The following MACO1 variants were observed in gnomAD, a reference collection of about 807,000 sequenced individuals.
MACO1 encodes macoilin.
Under a neutral mutation model 78.7 loss-of-function variants are expected in MACO1, and 14 were observed. The observed-to-expected ratio is 0.18, with a 90% confidence interval of 0.12 to 0.28. The LOEUF (loss-of-function observed/expected upper bound fraction) is 0.28. Ranked by LOEUF, MACO1 falls within the 10% of genes least tolerant of loss-of-function variation. The probability of loss-of-function intolerance (pLI) is 1.00; values close to 1 mark genes in which losing one functional copy is unlikely to be tolerated. For synonymous variants in MACO1, 288 were observed against 291.6 expected (o/e 0.99, Z 0.12); for missense variants, 501 against 799.0 (o/e 0.63, Z 4.50).
chr1:25,470,600 G>T (rs1001909229), intron 6 of MACO1, among the ~76,000 whole-genome samples: 4 of 152,164 alleles, frequency 2.6e-5, no homozygotes, highest in Admixed American at 2.0e-4. Context: ...AGTTAAGTGG[G>T]AAAGATAACA....
intron 6 of MACO1, among the ~76,000 whole-genome samples, chr1:25,474,505 G>T (rs1243984767): frequency 1.3e-5 from 2 of 152,084 alleles, no homozygotes; most frequent in Non-Finnish European, 2.9e-5. Context: ...TCAGTCTTCT[G>T]TGCTCCTAGA....
intron 1 of MACO1, among the ~76,000 whole-genome samples, chr1:25,438,015 G>GA (rs1041110949): frequency 6.6e-4 from 99 of 149,434 alleles, no homozygotes; most frequent in Admixed American, 6.0e-4. Flanking sequence ...CAATTTAAAG[G>GA]AAAAAAAAAA....
At position 25,433,523 on chromosome 1, in the gene MACO1, GT is replaced by G. The variant is rs2042893914; in HGVS notation, c.80+2346del. ...AGAGCCTTGTTTTTTTTCTGGGGCC[GT>G]GTTGACAGTTTTGATAACCACTGTC... On this transcript the variant is annotated intron_variant, in intron 1 of 10. Coordinates refer to ENST00000374343, the MANE Select transcript of MACO1 (RefSeq NM_018202.6). 3.3e-5 allele frequency among the ~76,000 whole-genome samples: 5 copies of G among 152,030 alleles called. No individual in the cohort carries two copies. The South Asian group carries it at 8.3e-4, about 25-fold the overall frequency.
At chr1:25,452,229 A>G (rs1434500738) in intron 3 of MACO1, among the ~76,000 whole-genome samples, 2 of 152,180 alleles carry the variant, frequency 1.3e-5, no homozygotes, top group African/African-American at 2.4e-5. Context: ...GTTTCATCCC[A>G]AAGATCCTTA....
intron 6 of MACO1, among the ~76,000 whole-genome samples, chr1:25,474,523 C>T (rs1356049838): frequency 6.6e-6 from 1 of 152,104 alleles, no homozygotes; most frequent in Non-Finnish European, 1.5e-5. Flanking sequence ...AGAAAATAGG[C>T]CATGTTGATG....
At chr1:25,460,213 A>G (rs1252876759) in intron 6 of MACO1, among the ~76,000 whole-genome samples, 2 of 152,198 alleles carry the variant, frequency 1.3e-5, no homozygotes, top group Admixed American at 6.5e-5. Flanking sequence ...GCTGGCATCC[A>G]TATCCATTTG....
chr1:25,457,881 C>T (rs2043134901), intron 5 of MACO1, among the ~76,000 whole-genome samples: 1 of 152,166 alleles, frequency 6.6e-6, no homozygotes, highest in Admixed American at 6.5e-5. Flanking sequence ...TTCCTTATTA[C>T]CTCAACACTA....
chr1:25,437,719 A>G (rs572612786), intron 1 of MACO1, among the ~76,000 whole-genome samples: 50 of 152,268 alleles, frequency 3.3e-4, no homozygotes, highest in Middle Eastern at 6.8e-3. Flanking sequence ...CAGGAGTTCA[A>G]GACTAGCCTA....
chr1:25,439,468 A>ACG (rs964020314), intron 1 of MACO1, among the ~76,000 whole-genome samples: 3 of 151,818 alleles, frequency 2.0e-5, no homozygotes, highest in African/African-American at 4.9e-5. Context: ...CTGCACATGT[A>ACG]CGCGCGCGTG....
chr1:25,469,785 C>T (rs1251565862), intron 6 of MACO1, among the ~76,000 whole-genome samples: 5 of 151,866 alleles, frequency 3.3e-5, no homozygotes, highest in Admixed American at 2.0e-4. Context: ...TACAGGCGTG[C>T]GCCACCATGC....
intron 4 of MACO1, among the ~76,000 whole-genome samples, chr1:25,455,868 C>T (rs2043114836): frequency 6.6e-6 from 1 of 152,054 alleles, no homozygotes; most frequent in South Asian, 2.1e-4. Flanking sequence ...TTGACCCTGC[C>T]TTCTAGTATT....
intron 6 of MACO1, among the ~76,000 whole-genome samples, chr1:25,465,263 A>AT (rs1296933416): frequency 6.6e-6 from 1 of 152,236 alleles, no homozygotes; most frequent in African/African-American, 2.4e-5. Flanking sequence ...AAAGCTATAA[A>AT]CATCTATGTG....
intron 8 of MACO1, among the ~76,000 whole-genome samples, chr1:25,488,502 TC>T (rs1400648464): frequency 2.0e-5 from 3 of 152,108 alleles, no homozygotes; most frequent in African/African-American, 7.2e-5. Flanking sequence ...CTTTTTTTTT[TC>T]TTTTTTTTGA....
At chr1:25,457,428 A>G (rs2043131442) in intron 5 of MACO1, among the ~76,000 whole-genome samples, 1 of 152,124 alleles carries the variant, frequency 6.6e-6, no homozygotes, top group African/African-American at 2.4e-5. Context: ...ACGTATTTTA[A>G]AATATATATT....
chr1:25,490,633 A>G (rs2043477114), intron 9 of MACO1, among the ~76,000 whole-genome samples: 1 of 152,202 alleles, frequency 6.6e-6, no homozygotes, highest in African/African-American at 2.4e-5. Context: ...GTGGTATAAA[A>G]ATGCAAAAAA....
chr1:25,446,317 G>A (rs1005221839), intron 1 of MACO1, among the ~76,000 whole-genome samples: 1 of 152,174 alleles, frequency 6.6e-6, no homozygotes, highest in Non-Finnish European at 1.5e-5. Context: ...AGCATGTAAG[G>A]ATGTGCGTCA....
At chr1:25,484,932 AC>A (rs1204490590) in intron 7 of MACO1, among the ~76,000 whole-genome samples, 1 of 152,056 alleles carries the variant, frequency 6.6e-6, no homozygotes, top group African/African-American at 2.4e-5. Context: ...CAGGCAAATA[AC>A]CTCTCCATTG....
intron 8 of MACO1, among the ~76,000 whole-genome samples, chr1:25,488,374 A>G (rs756428443): frequency 6.6e-6 from 1 of 152,156 alleles, no homozygotes; most frequent in Non-Finnish European, 1.5e-5. Flanking sequence ...TATTATTGAA[A>G]TTATCAAAGG....
chr1:25,494,026 C>G (rs1338305304), intron 10 of MACO1, among the ~76,000 whole-genome samples: 1 of 152,162 alleles, frequency 6.6e-6, no homozygotes, highest in Non-Finnish European at 1.5e-5. Flanking sequence ...CCACCGTGCC[C>G]GGCCAGATAG....
Sources: allele counts gnomAD v4.1 joint callset (sites outside exome capture counted in the v4.1 genomes callset), GRCh38; gene constraint gnomAD v4.1.1; transcripts MANE v1.5; gene names NCBI Gene and HGNC (gene_info 2026-07-23, HGNC 2026-07-21).